Variants in VTI1A observed in about 807,000 individuals in gnomAD.
VTI1A encodes vesicle transport through interaction with t-SNAREs homolog 1A.
VTI1A carries 22 observed loss-of-function variants against 34.9 expected under a neutral mutation model. The ratio of observed to expected loss-of-function variants is 0.63; its 90% CI spans 0.45 to 0.90. The LOEUF is 0.90. Among genes scored for constraint, VTI1A ranks in the 40% least tolerant of loss-of-function variants. The pLI is 0.00. For synonymous variants in VTI1A, 87 were observed against 97.3 expected (o/e 0.89, Z 0.62); for missense variants, 268 against 275.6 (o/e 0.97, Z 0.20).
intron 7 of VTI1A, among the ~76,000 whole-genome samples, chr10:112,686,979 A>C (rs1848437683): frequency 6.6e-6 from 1 of 152,110 alleles, no homozygotes; most frequent in South Asian, 2.1e-4. Context: ...TGCCTTGATC[A>C]TGCAGCTGAG....
intron 7 of VTI1A, among the ~76,000 whole-genome samples, chr10:112,702,617 C>A (rs961434407): frequency 6.6e-6 from 1 of 151,394 alleles, no homozygotes; most frequent in African/African-American, 2.4e-5. Context: ...GCCAGAGTCT[C>A]ACTCTGTCGC....
chr10:112,759,982 C>A (rs1851404861), intron 7 of VTI1A, among the ~76,000 whole-genome samples: 1 of 152,302 alleles, frequency 6.6e-6, no homozygotes, highest in South Asian at 2.1e-4. Flanking sequence ...GAGAACAATT[C>A]CCATCAATTC....
intron 7 of VTI1A, among the ~76,000 whole-genome samples, chr10:112,718,802 A>G (rs533115163): frequency 6.6e-5 from 10 of 152,250 alleles, no homozygotes; most frequent in Non-Finnish European, 1.3e-4. Context: ...CATTGTTAGT[A>G]CTAATAATGC....
chr10:112,843,554 G>A, the VTI1A span, among the ~76,000 whole-genome samples: 2 of 152,194 alleles, frequency 1.3e-5, no homozygotes, highest in African/African-American at 2.4e-5. Context: ...ACTGCTAACA[G>A]CGTTTATTTC....
intron 7 of VTI1A, among the ~76,000 whole-genome samples, chr10:112,780,769 G>A (rs756034787): frequency 3.3e-5 from 5 of 152,018 alleles, no homozygotes; most frequent in South Asian, 4.2e-4. Context: ...AGGCTGGCAC[G>A]ATTCCGCCTC....
intron 5 of VTI1A, among the ~76,000 whole-genome samples, chr10:112,614,980 A>G (rs189020351): frequency 6.6e-6 from 1 of 152,308 alleles, no homozygotes; most frequent in East Asian, 1.9e-4. Flanking sequence ...TGATGGATCA[A>G]TCCAAGGAAA....
At chr10:112,610,670 A>G (rs1448346942) in intron 5 of VTI1A, among the ~76,000 whole-genome samples, 1 of 152,170 alleles carries the variant, frequency 6.6e-6, no homozygotes, top group Non-Finnish European at 1.5e-5. Context: ...TAATCCCAGC[A>G]CTTTGGGAGG....
At chr10:112,523,605 G>A (rs567790663) in intron 3 of VTI1A, among the ~76,000 whole-genome samples, 2 of 151,866 alleles carry the variant, frequency 1.3e-5, no homozygotes, top group African/African-American at 4.8e-5. Context: ...GGGGAGGCAA[G>A]TATTGTCAGC....
intron 3 of VTI1A, among the ~76,000 whole-genome samples, chr10:112,526,617 A>G (rs117225350): frequency 0.024 from 3,652 of 152,248 alleles, 73 homozygotes; most frequent in East Asian, 0.084. Flanking sequence ...ATTGCAGAGT[A>G]TAGTTGGAGA....
intron 7 of VTI1A, among the ~76,000 whole-genome samples, 145 bp from the exon 8 acceptor site, chr10:112,815,137 GCGCACACA>G (rs1159728351): frequency 1.2e-4 from 9 of 77,556 alleles, no homozygotes; most frequent in African/African-American, 2.6e-4. Flanking sequence ...TCTTTCGCGC[GCGCACACA>G]CACACACACA....
chr10:112,677,300 T>C (rs191551581), intron 7 of VTI1A, among the ~76,000 whole-genome samples: 1 of 152,304 alleles, frequency 6.6e-6, no homozygotes, highest in East Asian at 1.9e-4. Context: ...GTGAATTACC[T>C]CATTCTCCCT....
chr10:112,484,249 A>G (rs1302000137), intron 3 of VTI1A, among the ~76,000 whole-genome samples: 1 of 152,220 alleles, frequency 6.6e-6, no homozygotes, highest in Non-Finnish European at 1.5e-5. Context: ...GCAGAGGTCA[A>G]CCTCCATGCT....
At chr10:112,512,609 A>C (rs1420612459) in intron 3 of VTI1A, among the ~76,000 whole-genome samples, 1 of 152,110 alleles carries the variant, frequency 6.6e-6, no homozygotes, top group African/African-American at 2.4e-5. Flanking sequence ...CTTGTCATAC[A>C]TTCTTTGTCT....
At chr10:112,748,100 C>A (rs1436859160) in intron 7 of VTI1A, among the ~76,000 whole-genome samples, 1 of 152,076 alleles carries the variant, frequency 6.6e-6, no homozygotes, top group Non-Finnish European at 1.5e-5. Flanking sequence ...GGTCACTCAG[C>A]TAATCTTGGT....
intron 7 of VTI1A, among the ~76,000 whole-genome samples, chr10:112,691,523 G>A (rs1267459040): frequency 6.6e-6 from 1 of 152,148 alleles, no homozygotes; most frequent in East Asian, 1.9e-4. Flanking sequence ...TTGGTGGACA[G>A]TAGCTACATT....
chr10:112,476,967 C>G (rs748295325), intron 3 of VTI1A, among the ~76,000 whole-genome samples: 64 of 152,132 alleles, frequency 4.2e-4, no homozygotes, highest in Non-Finnish European at 8.5e-4. Context: ...CAGATCTGAT[C>G]TCTAGGGTGA....
At chr10:112,447,035 GA>G, upstream of VTI1A, 1 of 291,578 alleles carries the variant, frequency 3.4e-6, no homozygotes, top group Non-Finnish European at 6.7e-6. Context: ...CCGATTCCCA[GA>G]ACACGAAGGG....
chr10:112,469,716 C>T (rs1848015648), intron 3 of VTI1A, among the ~76,000 whole-genome samples: 1 of 152,180 alleles, frequency 6.6e-6, no homozygotes, highest in African/African-American at 2.4e-5. Flanking sequence ...TCTAAAATAT[C>T]CATTCAATCC....
Position 112,447,267 on chromosome 10 carries a change from T to C in VTI1A, c.-107T>C. On this transcript the variant is annotated 5_prime_UTR_variant, in exon 1 of 8. Coordinates refer to ENST00000393077, the MANE Select transcript of VTI1A (RefSeq NM_145206.4). ...AGCTGTCCCCGGTTCTCCGTTCTGC[T>C]CTCGGGGGCACCTTCCGGGGTTCCT... is the stretch of plus-strand genomic sequence containing the variant. 14 of 1,236,426 alleles carry C rather than the reference T, an allele frequency of 1.1e-5. No individual in the cohort carries two copies. The highest frequency in any genetic ancestry group is 1.5e-5 in the Non-Finnish European group (13 of 881,580). The allele number at this position is 1,236,426 out of a possible 1,614,324, so 76.6% of individuals were successfully genotyped here.
Sources: gnomAD v4.1 joint callset for allele counts (sites outside exome capture counted in the v4.1 genomes callset) on GRCh38, gnomAD v4.1.1 for gene constraint, MANE v1.5 for transcripts, NCBI Gene and HGNC (gene_info 2026-07-23, HGNC 2026-07-21) for gene names.